Variants in URB1 observed in about 807,000 individuals in gnomAD.
URB1 encodes URB1 ribosome biogenesis factor, also known as nucleolar pre-ribosomal-associated protein 1.
A neutral mutation model predicts 242.3 loss-of-function variants in URB1; 197 were observed. That is an observed-to-expected ratio of 0.81 (90% CI 0.72 to 0.91). The LOEUF is 0.91. URB1 is among the 40% of genes least tolerant of loss of function. URB1 has a pLI of 0.00. For synonymous variants in URB1, 1,153 were observed against 1,201.8 expected, an observed-to-expected ratio of 0.96 and a Z score of 0.84; for missense variants, 2,721 against 2,860.5, an observed-to-expected ratio of 0.95 and a Z score of 1.11.
In URB1 at chr21:32,311,956, A is replaced by G. The variant is rs778228116; in HGVS notation, c.*2962T>C. On this transcript the variant is annotated 3_prime_UTR_variant, in exon 39 of 39. Coordinates refer to ENST00000382751, the MANE Select transcript of URB1 (RefSeq NM_014825.3). ...CCCCTCGTCAGGAGCAAGCCCAGCG[A>G]GCCTCCCCCTGGAGACAGGACCTCT... is the stretch of plus-strand genomic sequence containing the variant. 1.2e-6 allele frequency: 2 copies of G among 1,613,528 alleles called. No homozygotes were observed. The highest frequency in any genetic ancestry group is 1.6e-4 in the Middle Eastern group (1 of 6,062).
intron 20 of URB1, 124 bp downstream of exon 20, chr21:32,350,580 T>TA (rs1371492009): frequency 1.6e-5 from 18 of 1,159,200 alleles, no homozygotes; most frequent in Non-Finnish European, 2.1e-5. Context: ...GAACAGCACT[T>TA]AAACTGCCTC....
At position 32,392,819 on chromosome 21, in the gene URB1, G is replaced by A; in HGVS notation, c.92C>T (p.Thr31Met). 1.3e-6 allele frequency: 2 copies of A among 1,531,976 alleles called. No homozygotes were observed. The highest frequency in any genetic ancestry group is 1.2e-5 in the South Asian group (1 of 83,202). The allele number at this position is 1,531,976 out of a possible 1,614,324, so 94.9% of individuals were successfully genotyped here. A position where few individuals can be genotyped will look rare whatever the true frequency, so the allele number is the denominator to read the frequency against. Residue 31 changes from threonine (T) to methionine (M), a missense_variant, in exon 1 of 39, where the codon ACG (threonine) becomes ATG (methionine). Thr to Met is a moderately conservative substitution (Grantham distance 81). Coordinates refer to ENST00000382751, the MANE Select transcript of URB1 (RefSeq NM_014825.3). Reference protein sequence around the residue: ...AAKRARKEELTGVRFKAQLKD... With the variant: ...AAKRARKEELMGVRFKAQLKD... Reference sequence around the variant, plus strand: ...CAGCTGAGCCTTGAACCGCACGCCCGTGAGCTCTTCTTTGCGGGCGCGCTT... The same window carrying A: ...CAGCTGAGCCTTGAACCGCACGCCCATGAGCTCTTCTTTGCGGGCGCGCTT...
rs543805999 is a variant in URB1 at position 32,322,260 on chromosome 21, C to T, written c.5340+218G>A. ...GAAAATATGAGAATGTCGTAAAACT[C>T]AGGACTCTGAAGCAGAGTTTTTAAG... is the stretch of plus-strand genomic sequence containing the variant. On this transcript the variant is annotated intron_variant, in intron 33 of 38. Transcript: ENST00000382751. Among the ~76,000 whole-genome samples the T allele has an allele frequency of 2.6e-5, 4 of 152,264 alleles. No individual in the cohort carries two copies. The South Asian group carries it at 8.3e-4, about 32-fold the overall frequency.
intron 8 of URB1, among the ~76,000 whole-genome samples, chr21:32,368,858 CCCTT>C (rs1265540244): frequency 3.9e-5 from 6 of 152,290 alleles, no homozygotes; most frequent in South Asian, 2.1e-4. Context: ...CTACTTCCCT[CCCTT>C]GAGTTCAATT....
At chr21:32,337,670 AT>A (rs981463471) in intron 26 of URB1, among the ~76,000 whole-genome samples, 156 bp from the exon 27 acceptor site, 2 of 150,006 alleles carry the variant, frequency 1.3e-5, no homozygotes, top group African/African-American at 4.9e-5. Flanking sequence ...TTCCCCGCTT[AT>A]TTTTTTGTTA....
At chr21:32,361,183 G>GAAAGAAAGAAAGAAAA in intron 12 of URB1, 60 bp from the exon 13 acceptor site, 1 of 810,286 alleles carries the variant, frequency 1.2e-6, no homozygotes. Context: ...AAGAAAGAAA[G>GAAAGAAAGAAAGAAAA]AAAGAAAGAA....
intron 17 of URB1, among the ~76,000 whole-genome samples, chr21:32,354,423 G>T (rs1358203774): frequency 6.6e-6 from 1 of 152,202 alleles, no homozygotes; most frequent in Non-Finnish European, 1.5e-5. Context: ...AAAATAGTGT[G>T]AGGGTTAAAG....
At chr21:32,349,552 A>C (rs566442676) in intron 20 of URB1, 69 bp from the exon 21 acceptor site, 94 of 1,444,382 alleles carry the variant, frequency 6.5e-5, no homozygotes, top group Middle Eastern at 6.5e-4. Flanking sequence ...AGTGACTTCC[A>C]GGGCCCGTGT....
At chr21:32,331,366 T>C (rs2032891034) in intron 30 of URB1, among the ~76,000 whole-genome samples, 1 of 152,234 alleles carries the variant, frequency 6.6e-6, no homozygotes, top group Admixed American at 6.5e-5. Context: ...TAAAAATTAA[T>C]GAACTTAGAC....
At position 32,375,512 on chromosome 21, in the gene URB1, T is replaced by A. The variant is rs746519797; in HGVS notation, c.665-29A>T. 1.7e-5 allele frequency: 23 copies of A among 1,330,470 alleles called. No homozygotes were observed. In the South Asian group the frequency reaches 2.8e-4, roughly 16 times the overall value. 82.4% of individuals were successfully genotyped at this position (1,330,470 alleles called of 1,614,324 possible). Reference sequence around the variant, plus strand: ...AAAGTAAAAGTTTCAAAGCATTAAATTCAAAAATATTTTGAAAATGAGAAT... The same window carrying A: ...AAAGTAAAAGTTTCAAAGCATTAAAATCAAAAATATTTTGAAAATGAGAAT... On this transcript the variant is annotated intron_variant, in intron 5 of 38. Coordinates refer to ENST00000382751, the MANE Select transcript of URB1 (RefSeq NM_014825.3).
intron 34 of URB1, 132 bp from the exon 35 acceptor site, chr21:32,320,772 T>C (rs2032755307): frequency 2.9e-6 from 2 of 690,858 alleles, no homozygotes; most frequent in South Asian, 3.4e-5. Context: ...CTTTGCTAAG[T>C]CCGTCAGAGC....
chr21:32,359,371 C>A (rs1476644745), intron 14 of URB1, among the ~76,000 whole-genome samples: 3 of 152,168 alleles, frequency 2.0e-5, no homozygotes, highest in Non-Finnish European at 2.9e-5. Context: ...AAAATGCTGG[C>A]AATGTCTACT....
At position 32,311,599 on chromosome 21, in the gene URB1, G is replaced by A; in HGVS notation, c.*3319C>T. 1 of 1,543,164 alleles carries A rather than the reference G, an allele frequency of 6.5e-7. No individual in the cohort carries two copies. On this transcript the variant is annotated 3_prime_UTR_variant, in exon 39 of 39. Transcript: ENST00000382751. ...CCTATGGGGTCCGGGCAGATGGCAG[G>A]TGTGGCAGGAAACCCCCCAGCCCCA...
chr21:32,331,865 G>C (rs1315504963), intron 30 of URB1, among the ~76,000 whole-genome samples: 1 of 152,232 alleles, frequency 6.6e-6, no homozygotes, highest in Non-Finnish European at 1.5e-5. Flanking sequence ...TAGGGAGGCA[G>C]GATGTTCCTC....
At chr21:32,387,646 T>C (rs549063912) in intron 1 of URB1, among the ~76,000 whole-genome samples, 3 of 149,670 alleles carry the variant, frequency 2.0e-5, no homozygotes, top group Admixed American at 1.3e-4. Context: ...AATATTTCTA[T>C]TAAAACCCAC....
At chr21:32,381,553 A>G (rs2033527491) in intron 4 of URB1, among the ~76,000 whole-genome samples, 1 of 152,192 alleles carries the variant, frequency 6.6e-6, no homozygotes, top group South Asian at 2.1e-4. Context: ...TAAGAAACAT[A>G]TCAACCAAAT....
intron 21 of URB1, 40 bp downstream of exon 21, chr21:32,349,264 T>C: frequency 6.7e-7 from 1 of 1,484,776 alleles, no homozygotes; most frequent in Non-Finnish European, 9.0e-7. Context: ...CCACTGCCCA[T>C]GACTCTGAGA....
At chr21:32,350,142 G>A (rs370082744) in intron 20 of URB1, among the ~76,000 whole-genome samples, 3 of 149,810 alleles carry the variant, frequency 2.0e-5, no homozygotes, top group Non-Finnish European at 4.5e-5. Flanking sequence ...AAAAAAAAGA[G>A]GGAGGGAGGG....
intron 10 of URB1, among the ~76,000 whole-genome samples, chr21:32,365,792 C>T (rs769056522): frequency 1.7e-4 from 26 of 152,204 alleles, no homozygotes; most frequent in Non-Finnish European, 2.9e-4. Context: ...AGTGACTGTG[C>T]GCATTACCAC....
Sources: gnomAD v4.1 joint callset for allele counts (sites outside exome capture counted in the v4.1 genomes callset) on GRCh38, gnomAD v4.1.1 for gene constraint, MANE v1.5 for transcripts, NCBI Gene and HGNC (gene_info 2026-07-23, HGNC 2026-07-21) for gene names.